Variants in NEDD4 observed in about 807,000 individuals in gnomAD.
The protein encoded by NEDD4 is E3 ubiquitin-protein ligase NEDD4.
Under a neutral mutation model 144.9 loss-of-function variants are expected in NEDD4, and 99 were observed. The observed-to-expected ratio is 0.68, with a 90% CI of 0.58 to 0.81. NEDD4 has a LOEUF of 0.81. Ranked by LOEUF, NEDD4 falls within the 30% of genes least tolerant of loss-of-function variation. NEDD4 has a pLI of 0.00. For missense variants in NEDD4, 985 were observed against 1,065.9 expected (o/e 0.92, Z 1.06); for synonymous variants, 318 against 350.6 (o/e 0.91, Z 1.04).
In NEDD4 at chr15:55,860,783, A is replaced by G. The variant is rs372902866; in HGVS notation, c.675-5T>C. On this transcript the variant is annotated splice_region_variant and splice_polypyrimidine_tract_variant and intron_variant, in intron 9 of 28. Transcript: ENST00000435532. ...TCAGCATCTGTTAGGTTGTCCCTATATTGGAAGTATAAAAAGCCATCATCC... is the reference window on the plus strand; with the variant it reads ...TCAGCATCTGTTAGGTTGTCCCTATGTTGGAAGTATAAAAAGCCATCATCC... 28 of 1,611,972 alleles carry G rather than the reference A, an allele frequency of 1.7e-5. No homozygotes were observed. The highest frequency in any genetic ancestry group is 8.4e-5 in the Admixed American group (5 of 59,798).
chr15:55,842,815 T>G lies in NEDD4; in HGVS notation c.1609-652A>C, dbSNP rs558493164. On this transcript the variant is annotated intron_variant, in intron 18 of 28. Coordinates refer to ENST00000435532, the MANE Select transcript of NEDD4 (RefSeq NM_006154.4). ...CCTGCTAGCTGTTGTGCCTGTCTGT[T>G]CAGGCTTTTCCCTACCTCTACTTTC... is the stretch of plus-strand genomic sequence containing the variant. Among the ~76,000 whole-genome samples, 18 of 152,356 alleles carry G rather than the reference T, an allele frequency of 1.2e-4. No individual in the cohort carries two copies. The South Asian group carries it at 2.3e-3, about 19-fold the overall frequency.
chr15:55,992,464 C>T (rs779541215), intron 1 of NEDD4, among the ~76,000 whole-genome samples: 1 of 152,180 alleles, frequency 6.6e-6, no homozygotes. Context: ...TATTACAATA[C>T]TTAAGCAAGC....
rs1434371370 is a variant in NEDD4 at position 55,827,217 on chromosome 15, A to G, written c.*2680T>C. ...AATTTTGTTAAAAATTTTTAATAAG[A>G]GATTGTAGGCTAAAGTTATATGCTT... On this transcript the variant is annotated 3_prime_UTR_variant, in exon 29 of 29. Coordinates refer to ENST00000435532, the MANE Select transcript of NEDD4 (RefSeq NM_006154.4). 1 of 152,196 alleles carries G rather than the reference A, an allele frequency of 6.6e-6. No individual in the cohort carries two copies. Among genetic ancestry groups the G allele is most frequent in the Non-Finnish European group, 1.5e-5 (1 of 68,040 alleles). The allele number at this position is 152,196 out of a possible 1,614,324, so 9.4% of individuals were successfully genotyped here.
At chr15:55,930,922 T>C (rs1360076051) in intron 4 of NEDD4, among the ~76,000 whole-genome samples, 2 of 152,184 alleles carry the variant, frequency 1.3e-5, no homozygotes, top group Non-Finnish European at 2.9e-5. Flanking sequence ...TTATCCAGTC[T>C]TGGGTACGTC....
chr15:55,926,873 T>A (rs187722271), intron 4 of NEDD4, among the ~76,000 whole-genome samples: 1 of 151,966 alleles, frequency 6.6e-6, no homozygotes, highest in Admixed American at 6.5e-5. Flanking sequence ...TTCAGGAGTC[T>A]GAAACCAGCC....
At chr15:55,919,662 C>T (rs1168229176) in intron 5 of NEDD4, among the ~76,000 whole-genome samples, 1 of 152,188 alleles carries the variant, frequency 6.6e-6, no homozygotes, top group Non-Finnish European at 1.5e-5. Flanking sequence ...CAGCCCTCAT[C>T]TGGAAAGAAT....
chr15:55,931,885 TTA>T (rs1332217589), intron 4 of NEDD4, among the ~76,000 whole-genome samples: 1 of 152,192 alleles, frequency 6.6e-6, no homozygotes, highest in Admixed American at 6.5e-5. Context: ...AAATGAAACC[TTA>T]TGTCTTTTAA....
chr15:55,922,953 T>C (rs1173668927), intron 5 of NEDD4, among the ~76,000 whole-genome samples: 1 of 152,156 alleles, frequency 6.6e-6, no homozygotes, highest in Non-Finnish European at 1.5e-5. Flanking sequence ...ACTCCACCAA[T>C]ACAAAGTTTA....
intron 5 of NEDD4, among the ~76,000 whole-genome samples, chr15:55,903,759 A>C (rs1290968907): frequency 1.4e-5 from 2 of 146,214 alleles, no homozygotes; most frequent in African/African-American, 5.1e-5. Context: ...CGGGAGGCGG[A>C]GGTTGCAATG....
chr15:55,888,832 G>A (rs1220397208), intron 5 of NEDD4, among the ~76,000 whole-genome samples: 2 of 152,062 alleles, frequency 1.3e-5, no homozygotes, highest in African/African-American at 2.4e-5. Flanking sequence ...TAAAGGTGCC[G>A]AGAACATACA....
intron 5 of NEDD4, among the ~76,000 whole-genome samples, chr15:55,909,694 T>A (rs1423385670): frequency 6.6e-6 from 1 of 152,146 alleles, no homozygotes; most frequent in Admixed American, 6.5e-5. Context: ...CCCTGTCACC[T>A]GTGATGTAAA....
intron 4 of NEDD4, among the ~76,000 whole-genome samples, chr15:55,934,341 A>G (rs113910146): frequency 0.029 from 4,416 of 152,226 alleles, 72 homozygotes; most frequent in Non-Finnish European, 0.035. Flanking sequence ...ATATGTGTAT[A>G]TCTCATTTTG....
intron 1 of NEDD4, among the ~76,000 whole-genome samples, chr15:55,990,753 G>A (rs1034745664): frequency 6.6e-6 from 1 of 152,114 alleles, no homozygotes; most frequent in African/African-American, 2.4e-5. Flanking sequence ...AAGGAGGTGG[G>A]AAGTGATGCT....
intron 5 of NEDD4, chr15:55,915,983 A>G: frequency 1.2e-6 from 2 of 1,613,816 alleles, no homozygotes; most frequent in Non-Finnish European, 1.7e-6. Flanking sequence ...GAGTACACAG[A>G]CTTGTTGGAG....
intron 4 of NEDD4, among the ~76,000 whole-genome samples, chr15:55,948,489 T>C (rs916128164): frequency 6.6e-6 from 1 of 152,172 alleles, no homozygotes; most frequent in South Asian, 2.1e-4. Context: ...AGAGCCCACA[T>C]AGCCAAGACA....
chr15:55,874,628 TG>T lies in NEDD4; in HGVS notation c.292-621del, dbSNP rs543552261. Among the ~76,000 whole-genome samples, 30 of 152,316 alleles carry T rather than the reference TG, an allele frequency of 2.0e-4. No individual in the cohort carries two copies. In the East Asian group the frequency reaches 5.8e-3, roughly 29 times the overall value. On this transcript the variant is annotated intron_variant, in intron 5 of 28. Coordinates refer to ENST00000435532, the MANE Select transcript of NEDD4 (RefSeq NM_006154.4). ...AGGGCTCAGCACTGATTTCAGCTGA[TG>T]TTCACCAAAAGGGAAGCAGAATTTG...
chr15:55,835,648 G>A (rs1217068040), intron 24 of NEDD4, among the ~76,000 whole-genome samples: 2 of 151,852 alleles, frequency 1.3e-5, no homozygotes, highest in African/African-American at 2.4e-5. Flanking sequence ...CTTTTTGAAT[G>A]CCATTCAAAT....
intron 1 of NEDD4, among the ~76,000 whole-genome samples, chr15:55,967,442 G>C (rs1221347120): frequency 4.3e-5 from 3 of 69,456 alleles, no homozygotes; most frequent in South Asian, 9.6e-4. Context: ...TAACTATGCT[G>C]TGTGTGTGTG....
At chr15:55,861,923 T>C (rs2034424117) in intron 9 of NEDD4, among the ~76,000 whole-genome samples, 1 of 152,150 alleles carries the variant, frequency 6.6e-6, no homozygotes, top group Non-Finnish European at 1.5e-5. Context: ...TGCTTCAGTT[T>C]TTTTCCCCCT....
Sources: gnomAD v4.1 joint callset for allele counts (sites outside exome capture counted in the v4.1 genomes callset) on GRCh38, gnomAD v4.1.1 for gene constraint, MANE v1.5 for transcripts, NCBI Gene and HGNC (gene_info 2026-07-23, HGNC 2026-07-21) for gene names.